Variants in ATP13A4 observed in about 807,000 individuals in gnomAD.
ATP13A4 encodes probable cation-transporting ATPase 13A4.
Under a neutral mutation model 142.5 loss-of-function variants are expected in ATP13A4, and 114 were observed. The observed-to-expected ratio is 0.80, with a 90% confidence interval of 0.69 to 0.93. The LOEUF is 0.93. Among genes scored for constraint, ATP13A4 ranks in the 40% least tolerant of loss-of-function variants. ATP13A4 has a pLI of 0.00. For synonymous variants in ATP13A4, 488 were observed against 514.8 expected (o/e 0.95, Z 0.70); for missense variants, 1,392 against 1,454.0 (o/e 0.96, Z 0.69).
chr3:193,503,053 C>G (rs1310871215), intron 2 of ATP13A4, among the ~76,000 whole-genome samples: 2 of 152,088 alleles, frequency 1.3e-5, no homozygotes, highest in African/African-American at 2.4e-5. Context: ...GGGGAACTAT[C>G]ACTTTGTTAA....
chr3:193,457,299 G>C (rs922586942), intron 15 of ATP13A4, 80 bp downstream of exon 15: 65 of 1,577,426 alleles, frequency 4.1e-5, no homozygotes, highest in Non-Finnish European at 5.4e-5. Flanking sequence ...AGACACATCT[G>C]TGACCTTTCA....
At chr3:193,529,692 GT>G (rs1157151085) in intron 1 of ATP13A4, among the ~76,000 whole-genome samples, 1 of 151,994 alleles carries the variant, frequency 6.6e-6, no homozygotes, top group African/African-American at 2.4e-5. Flanking sequence ...TTATTCATTT[GT>G]TTTTTTAGGA....
At chr3:193,554,662 G>A (rs1723795491) in intron 1 of ATP13A4, 78 bp downstream of exon 1, 3 of 694,690 alleles carry the variant, frequency 4.3e-6, no homozygotes, top group South Asian at 2.9e-5. Flanking sequence ...GCGTGTGTGT[G>A]TGTGTGTGTG....
At chr3:193,530,921 G>A (rs1020583011) in intron 1 of ATP13A4, among the ~76,000 whole-genome samples, 5 of 151,914 alleles carry the variant, frequency 3.3e-5, no homozygotes, top group African/African-American at 1.2e-4. Flanking sequence ...CCCACCACAC[G>A]CTCATATACA....
intron 1 of ATP13A4, among the ~76,000 whole-genome samples, chr3:193,522,625 G>A (rs1721784914): frequency 6.6e-6 from 1 of 152,196 alleles, no homozygotes; most frequent in Non-Finnish European, 1.5e-5. Flanking sequence ...TTTGGCAGGT[G>A]TCACAAGTGA....
chr3:193,548,310 G>T (rs1285315127), intron 1 of ATP13A4, among the ~76,000 whole-genome samples: 1 of 152,162 alleles, frequency 6.6e-6, no homozygotes, highest in East Asian at 1.9e-4. Flanking sequence ...GAGTTTTTGT[G>T]CCAGGTACTG....
chr3:193,550,512 C>T (rs777080133), intron 1 of ATP13A4, among the ~76,000 whole-genome samples: 22 of 152,118 alleles, frequency 1.4e-4, no homozygotes, highest in South Asian at 6.2e-4. Context: ...CACTATGTTG[C>T]CCAGGCTGGT....
At chr3:193,570,456 T>A (rs1265358550) in intron 2 of ATP13A4, among the ~76,000 whole-genome samples, 1 of 152,242 alleles carries the variant, frequency 6.6e-6, no homozygotes, top group African/African-American at 2.4e-5. Context: ...TAGAACCATG[T>A]ATGACATGCT....
At chr3:193,495,591 A>T (rs1267952968) in intron 3 of ATP13A4, among the ~76,000 whole-genome samples, 1 of 152,184 alleles carries the variant, frequency 6.6e-6, no homozygotes, top group Non-Finnish European at 1.5e-5. Context: ...ATCTCAACAC[A>T]ATAAAAGCCA....
upstream of ATP13A4, among the ~76,000 whole-genome samples, chr3:193,555,775 G>C (rs1032494169): frequency 5.9e-5 from 9 of 152,202 alleles, no homozygotes; most frequent in Non-Finnish European, 7.3e-5. Flanking sequence ...TAAGAAAACT[G>C]TCAGAAGTCC....
intron 9 of ATP13A4, among the ~76,000 whole-genome samples, chr3:193,469,436 G>T (rs151154624): frequency 6.6e-6 from 1 of 152,106 alleles, no homozygotes; most frequent in African/African-American, 2.4e-5. Flanking sequence ...GACCAGCCTG[G>T]CCAACATCGT....
chr3:193,464,820 A>G, intron 12 of ATP13A4, 120 bp downstream of exon 12: 2 of 1,082,306 alleles, frequency 1.8e-6, no homozygotes, highest in South Asian at 2.7e-5. Context: ...CTAACCAGGG[A>G]TAAAATGAAG....
intron 1 of ATP13A4, among the ~76,000 whole-genome samples, chr3:193,592,080 CAATT>C (rs1351695873): frequency 3.0e-5 from 4 of 135,516 alleles, no homozygotes; most frequent in African/African-American, 5.7e-5. Context: ...ATGATTCTGA[CAATT>C]AAGGGAAAAG....
At chr3:193,527,120 G>T (rs370020122) in intron 1 of ATP13A4, among the ~76,000 whole-genome samples, 1 of 152,254 alleles carries the variant, frequency 6.6e-6, no homozygotes, top group African/African-American at 2.4e-5. Flanking sequence ...ATCAGTGGCT[G>T]GGATTTAATC....
intron 16 of ATP13A4, among the ~76,000 whole-genome samples, chr3:193,455,987 TA>T (rs1199928176): frequency 6.6e-5 from 10 of 151,950 alleles, no homozygotes; most frequent in African/African-American, 1.2e-4. Context: ...CACATGGACA[TA>T]GGGGGGAACA....
At chr3:193,564,571 G>A (rs1305090135) in intron 2 of ATP13A4, among the ~76,000 whole-genome samples, 1 of 152,170 alleles carries the variant, frequency 6.6e-6, no homozygotes, top group Non-Finnish European at 1.5e-5. Context: ...CTTGACTGTG[G>A]TGATGGTTTC....
intron 1 of ATP13A4, among the ~76,000 whole-genome samples, chr3:193,525,152 T>A (rs1474938987): frequency 6.6e-6 from 1 of 152,214 alleles, no homozygotes; most frequent in Non-Finnish European, 1.5e-5. Context: ...ATTGTAAGGA[T>A]TCTAGTCTAA....
chr3:193,506,487 A>T (rs917119248), intron 2 of ATP13A4, among the ~76,000 whole-genome samples: 3 of 152,354 alleles, frequency 2.0e-5, no homozygotes, highest in Admixed American at 2.0e-4. Context: ...TGAAAAACAG[A>T]GGGAGAAACC....
chr3:193,412,605 T>C (rs1195272107), intron 26 of ATP13A4, among the ~76,000 whole-genome samples: 1 of 150,892 alleles, frequency 6.6e-6, no homozygotes, highest in African/African-American at 2.4e-5. Context: ...GTATTTTGGA[T>C]ACATTGAGAG....
Sources: gnomAD v4.1 joint callset for allele counts (sites outside exome capture counted in the v4.1 genomes callset) on GRCh38, gnomAD v4.1.1 for gene constraint, MANE v1.5 for transcripts, NCBI Gene and HGNC (gene_info 2026-07-23, HGNC 2026-07-21) for gene names.